CELF2: variants seen among roughly 807,000 people sequenced by gnomAD.
CELF2 encodes CUGBP Elav-like family member 2.
A neutral mutation model predicts 62.6 loss-of-function variants in CELF2; 8 were observed. That is an observed-to-expected ratio of 0.13 (90% CI 0.07 to 0.23). The LOEUF is 0.23. Ranked by LOEUF, CELF2 falls within the 10% of genes least tolerant of loss-of-function variation. The pLI is 1.00. For synonymous variants in CELF2, 258 were observed against 250.0 expected, an observed-to-expected ratio of 1.03 and a Z score of -0.30; for missense variants, 333 against 671.0, an observed-to-expected ratio of 0.50 and a Z score of 5.56.
chr10:11,245,603 C>T (rs1340496289), intron 3 of CELF2, among the ~76,000 whole-genome samples: 2 of 152,208 alleles, frequency 1.3e-5, no homozygotes, highest in Non-Finnish European at 2.9e-5. Context: ...TGAGTTATCA[C>T]CATCACTGCT....
the CELF2 span, among the ~76,000 whole-genome samples, chr10:10,676,495 G>A: frequency 6.6e-6 from 1 of 152,208 alleles, no homozygotes; most frequent in African/African-American, 2.4e-5. Context: ...CAGAAGCAAA[G>A]CACCAAGAGA....
At chr10:10,796,010 GTTCCCCGCAGTTGCC>G (rs995503206), upstream of CELF2, among the ~76,000 whole-genome samples, 1 of 151,936 alleles carries the variant, frequency 6.6e-6, no homozygotes, top group Non-Finnish European at 1.5e-5. Flanking sequence ...TATTTTAGTT[GTTCCCCGCAGTTGCC>G]TTCTACCAAA....
chr10:10,972,777 C>T lies in CELF2; in HGVS notation c.89+52778C>T, dbSNP rs565837576. 5.9e-5 allele frequency among the ~76,000 whole-genome samples: 9 copies of T among 152,218 alleles called. No homozygotes were observed. In the South Asian group the frequency reaches 1.9e-3, roughly 32 times the overall value. The stretch of plus-strand genomic sequence containing the variant: ...TCACACCCTTCCTTTTTGATCTGTT[C>T]CTATTCTGAAATACACAATATCCAT... On this transcript the variant is annotated intron_variant, in intron 2 of 13. Transcript: ENST00000636488. This position sits in a 1 kb window ranked among gnomAD's most constrained non-coding sequence, Gnocchi z 4.4.
the CELF2 span, among the ~76,000 whole-genome samples, chr10:10,779,526 C>T: frequency 6.4e-4 from 98 of 152,164 alleles, no homozygotes; most frequent in Admixed American, 3.9e-4. Context: ...CTTCTGGCTC[C>T]GTCTCCCTCA....
the CELF2 span, among the ~76,000 whole-genome samples, chr10:10,471,765 T>C: frequency 2.6e-5 from 4 of 151,884 alleles, no homozygotes; most frequent in Non-Finnish European, 5.9e-5. Context: ...TACATCTTTT[T>C]CATTACTTGG....
At chr10:10,499,345 C>T in the CELF2 span, among the ~76,000 whole-genome samples, 1 of 151,690 alleles carries the variant, frequency 6.6e-6, no homozygotes, top group Non-Finnish European at 1.5e-5. Flanking sequence ...GGATTACAGG[C>T]CACCATGCCC....
chr10:10,564,476 T>G, the CELF2 span, among the ~76,000 whole-genome samples: 2 of 152,116 alleles, frequency 1.3e-5, no homozygotes, highest in African/African-American at 2.4e-5. Context: ...TGTGAAGATA[T>G]GTTTTACAGC....
chr10:11,074,569 A>T (rs1928725), intron 1 of CELF2, among the ~76,000 whole-genome samples: 10,007 of 152,270 alleles, frequency 0.066, 585 homozygotes, highest in African/African-American at 0.16. Flanking sequence ...TCACTATGGG[A>T]TAAATTACCT....
chr10:10,677,510 T>C, the CELF2 span, among the ~76,000 whole-genome samples: 1 of 152,204 alleles, frequency 6.6e-6, no homozygotes, highest in Admixed American at 6.5e-5. Context: ...TGCATATCCC[T>C]GGGGCCCCAA....
At chr10:10,850,133 T>C (rs1344811491) in intron 1 of CELF2, among the ~76,000 whole-genome samples, 2 of 151,936 alleles carry the variant, frequency 1.3e-5, no homozygotes, top group Non-Finnish European at 2.9e-5. Context: ...CAGGCGACAG[T>C]GGGAGACTCC....
the CELF2 span, among the ~76,000 whole-genome samples, chr10:10,763,021 A>G: frequency 6.6e-6 from 1 of 152,220 alleles, no homozygotes. Context: ...CTAGAAGTTC[A>G]TGTTAGCAGT....
At chr10:11,192,774 C>T (rs2076553711) in intron 2 of CELF2, among the ~76,000 whole-genome samples, 1 of 152,164 alleles carries the variant, frequency 6.6e-6, no homozygotes, top group African/African-American at 2.4e-5. Flanking sequence ...TTAGAATCAC[C>T]TAGAGGAATT....
chr10:10,890,635 G>A (rs2062067376), intron 1 of CELF2, among the ~76,000 whole-genome samples: 1 of 152,198 alleles, frequency 6.6e-6, no homozygotes, highest in South Asian at 2.1e-4. Flanking sequence ...GCTGAGAGGT[G>A]AAGCTGGTTT....
At chr10:10,906,800 C>T (rs1015879206) in intron 1 of CELF2, among the ~76,000 whole-genome samples, 1 of 136,266 alleles carries the variant, frequency 7.3e-6, no homozygotes, top group Admixed American at 8.3e-5. Context: ...CTCACTGCAA[C>T]CTCCACCTCC....
chr10:10,744,209 C>G, the CELF2 span, among the ~76,000 whole-genome samples: 33 of 152,116 alleles, frequency 2.2e-4, no homozygotes, highest in Admixed American at 5.9e-4. Flanking sequence ...AAGCCACACT[C>G]TCTTCTACAC....
At chr10:10,956,707 G>T (rs921544642) in intron 2 of CELF2, among the ~76,000 whole-genome samples, 1 of 152,096 alleles carries the variant, frequency 6.6e-6, no homozygotes, top group Non-Finnish European at 1.5e-5. Flanking sequence ...CCGGAGGATT[G>T]CTTGAAGCCA....
intron 1 of CELF2, among the ~76,000 whole-genome samples, chr10:10,868,586 T>A (rs1027032825): frequency 6.6e-6 from 1 of 152,200 alleles, no homozygotes; most frequent in African/African-American, 2.4e-5. Context: ...AAAGGTCACA[T>A]GGCAGAAGAG....
intron 1 of CELF2, chr10:10,917,873 A>AT (rs1197832822): frequency 4.6e-5 from 7 of 152,238 alleles, no homozygotes; most frequent in African/African-American, 1.7e-4. Flanking sequence ...CTCCACTGTG[A>AT]TTTAAATGGA....
chr10:11,264,899 T>C (rs1026270301), intron 5 of CELF2, among the ~76,000 whole-genome samples: 3 of 152,260 alleles, frequency 2.0e-5, no homozygotes, highest in African/African-American at 7.2e-5. Flanking sequence ...TCATTCAGGC[T>C]TCTTCAAGCC....
Sources: gnomAD v4.1 joint callset for allele counts (sites outside exome capture counted in the v4.1 genomes callset) on GRCh38, gnomAD v4.1.1 for gene constraint, Gnocchi (gnomAD v3.1) non-coding constraint, MANE v1.5 for transcripts, NCBI Gene and HGNC (gene_info 2026-07-23, HGNC 2026-07-21) for gene names.